AGAP1: variants seen among roughly 807,000 people sequenced by gnomAD.
AGAP1 encodes the protein arf-GAP with GTPase, ANK repeat and PH domain-containing protein 1.
AGAP1 carries 29 observed loss-of-function variants against 105.3 expected under a neutral mutation model. The observed-to-expected ratio is 0.28, with a 90% CI of 0.21 to 0.38. AGAP1 has a LOEUF of 0.38. AGAP1 is among the 10% of genes least tolerant of loss of function. The pLI is 1.00. For missense variants in AGAP1, 998 were observed against 1,165.1 expected, an observed-to-expected ratio of 0.86 and a Z score of 2.09; for synonymous variants, 509 against 485.9, an observed-to-expected ratio of 1.05 and a Z score of -0.63.
Position 236,073,750 on chromosome 2 carries a change from A to G in AGAP1, c.2114+24469A>G, listed in dbSNP as rs952238442. Among the ~76,000 whole-genome samples the G allele has an allele frequency of 6.6e-6, 1 of 152,168 alleles. No individual in the cohort carries two copies. The highest frequency in any genetic ancestry group is 1.5e-5 in the Non-Finnish European group (1 of 68,024). On this transcript the variant is annotated intron_variant, in intron 16 of 17. Coordinates refer to ENST00000304032, the MANE Select transcript of AGAP1 (RefSeq NM_001037131.3). This position sits in a 1 kb window ranked among gnomAD's most constrained non-coding sequence, Gnocchi z 5.4. ...GTAACTTCATTGGTGGTGGGGGTACAGGCAGGTCAGCTTGTTCACATGGGC... is the reference window on the plus strand; with the variant it reads ...GTAACTTCATTGGTGGTGGGGGTACGGGCAGGTCAGCTTGTTCACATGGGC...
In AGAP1 at chr2:235,882,476, G is replaced by C. The variant is rs1226559611; in HGVS notation, c.1051-869G>C. 6.4e-7 allele frequency: 1 copy of C among 1,555,778 alleles called. No individual in the cohort carries two copies. Among genetic ancestry groups the C allele is most frequent in the Non-Finnish European group, 8.8e-7 (1 of 1,132,920 alleles). On this transcript the variant is annotated intron_variant, in intron 9 of 17. Coordinates refer to ENST00000304032, the MANE Select transcript of AGAP1 (RefSeq NM_001037131.3). This position sits in a 1 kb window ranked among gnomAD's most constrained non-coding sequence, Gnocchi z 4.6. Reference sequence around the variant, plus strand: ...TATTGAAGCTGGCGATTCCCCCCACGTCTGGTTTGTCTGCCATTTTCTTAA... The same window carrying C: ...TATTGAAGCTGGCGATTCCCCCCACCTCTGGTTTGTCTGCCATTTTCTTAA...
intron 3 of AGAP1, among the ~76,000 whole-genome samples, chr2:235,735,586 C>T (rs901021841): frequency 1.3e-5 from 2 of 152,132 alleles, no homozygotes; most frequent in African/African-American, 2.4e-5. Context: ...ATTTAAAAAA[C>T]GAAAGAGTGT....
rs1368332179 is a variant in AGAP1, at chr2:235,663,565, T to C, written c.164-45614T>C. Among the ~76,000 whole-genome samples the C allele has an allele frequency of 6.6e-6, 1 of 152,188 alleles. No homozygotes were observed. Among genetic ancestry groups the C allele is most frequent in the African/African-American group, 2.4e-5 (1 of 41,446 alleles). On this transcript the variant is annotated intron_variant, in intron 1 of 17. Coordinates refer to ENST00000304032, the MANE Select transcript of AGAP1 (RefSeq NM_001037131.3). This position sits in a 1 kb window ranked among gnomAD's most constrained non-coding sequence, Gnocchi z 5.4. ...CAGAAGCTGGGCTTTGTAATGGGGCTGGCAAAAATTCCCAGGGCATCGTTT... is the reference window on the plus strand; with the variant it reads ...CAGAAGCTGGGCTTTGTAATGGGGCCGGCAAAAATTCCCAGGGCATCGTTT...
chr2:235,639,236 C>T lies in AGAP1; in HGVS notation c.164-69943C>T, dbSNP rs557498060. ...CATGCTGTTGTGAGTCTGTGGTTCC[C>T]AGGGAGCAGCTGAGTAGGCTGTTGG... On this transcript the variant is annotated intron_variant, in intron 1 of 17. Transcript: ENST00000304032. The surrounding 1 kb of genome is among the most constrained non-coding windows in gnomAD (Gnocchi z 5.3). Among the ~76,000 whole-genome samples the T allele has an allele frequency of 1.2e-4, 18 of 152,194 alleles. No individual in the cohort carries two copies. The highest frequency in any genetic ancestry group is 4.3e-4 in the African/African-American group (18 of 41,536).
chr2:235,938,532 A>G (rs2053099275), intron 12 of AGAP1, among the ~76,000 whole-genome samples: 1 of 152,244 alleles, frequency 6.6e-6, no homozygotes, highest in South Asian at 2.1e-4. Flanking sequence ...TAACAAATTG[A>G]AACAGAGATA....
Position 236,055,582 on chromosome 2 carries a change from G to A in AGAP1, c.2114+6301G>A, listed in dbSNP as rs892906518. 2.2e-4 allele frequency among the ~76,000 whole-genome samples: 34 copies of A among 152,366 alleles called. No homozygotes were observed. The highest frequency in any genetic ancestry group is 7.9e-4 in the African/African-American group (33 of 41,592). On this transcript the variant is annotated intron_variant, in intron 16 of 17. Transcript: ENST00000304032. The surrounding 1 kb of genome is among the most constrained non-coding windows in gnomAD (Gnocchi z 6.2). ...CAGTGGGCCTGCCCTGGCCCCAGCCGCAGAGCGGGTCCACCCTCCCAGTTT... is the reference window on the plus strand; with the variant it reads ...CAGTGGGCCTGCCCTGGCCCCAGCCACAGAGCGGGTCCACCCTCCCAGTTT...
chr2:235,545,221 T>G (rs1446090104), intron 1 of AGAP1, among the ~76,000 whole-genome samples: 1 of 152,214 alleles, frequency 6.6e-6, no homozygotes, highest in Non-Finnish European at 1.5e-5. Context: ...GGAAAATCAT[T>G]TGGGCCATCA....
At chr2:235,697,497 G>C (rs755225870) in intron 1 of AGAP1, among the ~76,000 whole-genome samples, 60 of 152,184 alleles carry the variant, frequency 3.9e-4, no homozygotes, top group Middle Eastern at 3.2e-3. Flanking sequence ...ATACCTAGTG[G>C]ACTGTCTGTG....
chr2:236,057,217 T>G (rs529743281), intron 16 of AGAP1, among the ~76,000 whole-genome samples: 1 of 152,338 alleles, frequency 6.6e-6, no homozygotes, highest in Non-Finnish European at 1.5e-5. Context: ...CAAGTGATTC[T>G]CCTACCTCAA....
At chr2:235,678,216 C>G (rs1467373666) in intron 1 of AGAP1, among the ~76,000 whole-genome samples, 4 of 152,178 alleles carry the variant, frequency 2.6e-5, no homozygotes, top group African/African-American at 9.7e-5. Context: ...TTCTGAGAGT[C>G]TGTTCTCTTT....
At chr2:235,717,500 C>T in intron 2 of AGAP1, 57 bp from the exon 3 acceptor site, 2 of 1,476,896 alleles carry the variant, frequency 1.4e-6, no homozygotes, top group Non-Finnish European at 1.8e-6. Flanking sequence ...TTAGTATTTG[C>T]AAAATGCCAA....
intron 13 of AGAP1, among the ~76,000 whole-genome samples, chr2:236,018,210 T>A (rs1375891428): frequency 1.3e-5 from 2 of 152,190 alleles, no homozygotes; most frequent in Admixed American, 1.3e-4. Flanking sequence ...AACTTTAACA[T>A]CTCAGGAACC....
In AGAP1 at chr2:236,105,329, G is replaced by A. The variant is rs529500099; in HGVS notation, c.2115-14863G>A. Among the ~76,000 whole-genome samples the A allele has an allele frequency of 5.9e-4, 90 of 152,150 alleles. 1 individual carries two copies. In the South Asian group the frequency reaches 0.015, roughly 26 times the overall value. On this transcript the variant is annotated intron_variant, in intron 16 of 17. Coordinates refer to ENST00000304032, the MANE Select transcript of AGAP1 (RefSeq NM_001037131.3). The surrounding 1 kb of genome is among the most constrained non-coding windows in gnomAD (Gnocchi z 4.2). ...GGTAAGGGGGAAAGATGGGCGGAGC[G>A]GGGGACCAAGGACAGAGAGGAAGAC...
At chr2:235,543,102 C>A (rs1225044589) in intron 1 of AGAP1, among the ~76,000 whole-genome samples, 2 of 135,712 alleles carry the variant, frequency 1.5e-5, no homozygotes, top group African/African-American at 5.5e-5. Flanking sequence ...CCCCCTCCCC[C>A]CCCCCCGCCC....
intron 13 of AGAP1, among the ~76,000 whole-genome samples, chr2:235,969,034 T>C (rs1427989765): frequency 6.6e-6 from 1 of 152,218 alleles, no homozygotes; most frequent in African/African-American, 2.4e-5. Context: ...TTGGTTACTC[T>C]TAACTAACCA....
chr2:236,022,736 T>C (rs535910100), intron 13 of AGAP1, among the ~76,000 whole-genome samples: 1 of 152,302 alleles, frequency 6.6e-6, no homozygotes, highest in East Asian at 1.9e-4. Context: ...AATTTTGCCA[T>C]GTTGCGCAGG....
At chr2:235,998,613 G>A (rs903204317) in intron 13 of AGAP1, among the ~76,000 whole-genome samples, 3 of 146,922 alleles carry the variant, frequency 2.0e-5, no homozygotes, top group African/African-American at 4.9e-5. Context: ...CATGGTACCT[G>A]GCTCAGCAAA....
rs951827995 is a variant in AGAP1 at position 235,959,749 on chromosome 2, C to A, written c.1484-8713C>A. 3.3e-5 allele frequency among the ~76,000 whole-genome samples: 5 copies of A among 152,212 alleles called. No individual in the cohort carries two copies. The highest frequency in any genetic ancestry group is 7.3e-5 in the Non-Finnish European group (5 of 68,042). ...CCCTGCTGCTGCAGCCGGGCCCTCC[C>A]ACAGGCAAGCATCTGGAACTAGCAC... is the stretch of plus-strand genomic sequence containing the variant. On this transcript the variant is annotated intron_variant, in intron 12 of 17. Coordinates refer to ENST00000304032, the MANE Select transcript of AGAP1 (RefSeq NM_001037131.3). This position sits in a 1 kb window ranked among gnomAD's most constrained non-coding sequence, Gnocchi z 7.3.
rs572442582 is a variant in AGAP1, at chr2:235,996,973, G to C, written c.1645+28350G>C. ...AGAAGAAAAAAATCACTGAATGTAT[G>C]TATCATTGAGACCTATTTAATTATT... On this transcript the variant is annotated intron_variant, in intron 13 of 17. Transcript: ENST00000304032. Among the ~76,000 whole-genome samples, 3 of 152,312 alleles carry C rather than the reference G, an allele frequency of 2.0e-5. No individual in the cohort carries two copies. In the South Asian group the frequency reaches 6.2e-4, roughly 32 times the overall value.
Sources: allele counts gnomAD v4.1 joint callset (sites outside exome capture counted in the v4.1 genomes callset), GRCh38; gene constraint gnomAD v4.1.1; non-coding constraint Gnocchi (gnomAD v3.1); transcripts MANE v1.5; gene names NCBI Gene and HGNC (gene_info 2026-07-23, HGNC 2026-07-21).